Variants in EIF2AK1 observed in about 807,000 individuals in gnomAD.
EIF2AK1 encodes the protein eukaryotic translation initiation factor 2 alpha kinase 1.
Under a neutral mutation model 77.9 loss-of-function variants are expected in EIF2AK1, and 54 were observed. The observed-to-expected ratio is 0.69, with a 90% CI of 0.56 to 0.87. The LOEUF is 0.87. Ranked by LOEUF, EIF2AK1 falls within the 40% of genes least tolerant of loss-of-function variation. EIF2AK1 has a pLI of 0.00. For missense variants in EIF2AK1, 810 were observed against 768.6 expected (o/e 1.05, Z -0.64); for synonymous variants, 314 against 290.5 (o/e 1.08, Z -0.82).
intron 3 of EIF2AK1, 51 bp from the exon 4 acceptor site, chr7:6,048,895 T>C (rs1158100068): frequency 7.5e-7 from 1 of 1,326,584 alleles, no homozygotes; most frequent in East Asian, 2.3e-5. Flanking sequence ...TTGCATGGAA[T>C]AAAGAACCTA....
intron 11 of EIF2AK1, among the ~76,000 whole-genome samples, chr7:6,030,605 TCTC>T (rs1456985497): frequency 2.6e-5 from 4 of 152,086 alleles, no homozygotes; most frequent in African/African-American, 9.7e-5. Flanking sequence ...TTCAAACAAT[TCTC>T]CTGCCTCAAC....
intron 1 of EIF2AK1, among the ~76,000 whole-genome samples, chr7:6,058,628 T>C (rs887867241): frequency 6.6e-5 from 10 of 152,114 alleles, no homozygotes; most frequent in Non-Finnish European, 1.3e-4. Flanking sequence ...TGAAAGAAGA[T>C]CGTTCTCAAC....
At chr7:6,038,981 C>A (rs1034151294) in intron 9 of EIF2AK1, among the ~76,000 whole-genome samples, 2 of 152,048 alleles carry the variant, frequency 1.3e-5, no homozygotes, top group African/African-American at 4.8e-5. Flanking sequence ...TCAACTGTGA[C>A]CCGGAGAAAC....
At position 6,024,796 on chromosome 7, in the gene EIF2AK1, G is replaced by A. The variant is rs1787691445; in HGVS notation, c.1770C>T (p.Asn590=). 1.3e-6 allele frequency: 2 copies of A among 1,525,208 alleles called. No individual in the cohort carries two copies. The highest frequency in any genetic ancestry group is 8.8e-7 in the Non-Finnish European group (1 of 1,142,248). The allele number at this position is 1,525,208 out of a possible 1,614,324, so 94.5% of individuals were successfully genotyped here. The change falls in exon 15 of 15, where the codon AAC becomes AAT. Residue 590 remains asparagine, a synonymous_variant. Transcript: ENST00000199389. ...CTATTATCTTCATCTGTAGGGTGAG[G>A]TTAACCTGTAAGGAGAAAATATTTT... The part of the protein sequence containing the change: ...SELFQNSGNV[N]LTLQMKIIEQ...
At position 6,054,619 on chromosome 7, in the gene EIF2AK1, C is replaced by A; in HGVS notation, c.204G>T (p.Leu68Phe). 6.2e-7 allele frequency: 1 copy of A among 1,614,136 alleles called. No homozygotes were observed. The highest frequency in any genetic ancestry group is 8.5e-7 in the Non-Finnish European group (1 of 1,180,030). ...TCAAGTGCTCCAGCAAAGAAACCAG[C>A]AAGAGTTGGTTTGCAACTGCAAAAG... Reference protein sequence around the residue: ...TFPFAVANQLLLVSLLEHLSH... With the variant: ...TFPFAVANQLFLVSLLEHLSH... Residue 68 changes from leucine to phenylalanine, a missense_variant, in exon 2 of 15, where the codon TTG becomes TTT. By Grantham distance (22) the Leu-to-Phe change is conservative. Around this residue, in one of 3 missense-constraint regions of EIF2AK1, gnomAD observed 246 missense variants for 199.0 expected, o/e 1.24. Transcript: ENST00000199389.
Position 6,050,428 on chromosome 7 carries a change from C to G in EIF2AK1, c.278-383G>C, listed in dbSNP as rs117672877. Among the ~76,000 whole-genome samples the G allele has an allele frequency of 2.7e-3, 418 of 152,128 alleles. 9 individuals are homozygous for G. The East Asian group carries it at 0.054, about 20-fold the overall frequency. ...CAGGCTGGTCTCGAACTCCTGGCCTCAAGTGATCTGCCCAACTCCACCTCC... is the reference window on the plus strand; with the variant it reads ...CAGGCTGGTCTCGAACTCCTGGCCTGAAGTGATCTGCCCAACTCCACCTCC... On this transcript the variant is annotated intron_variant, in intron 2 of 14. Transcript: ENST00000199389.
At chr7:6,049,120 T>A (rs1485338148) in intron 3 of EIF2AK1, among the ~76,000 whole-genome samples, 1 of 152,146 alleles carries the variant, frequency 6.6e-6, no homozygotes, top group African/African-American at 2.4e-5. Flanking sequence ...TGGTGGCACC[T>A]GGCACCCTGC....
At chr7:6,052,327 T>A (rs1788630683) in intron 2 of EIF2AK1, among the ~76,000 whole-genome samples, 2 of 151,842 alleles carry the variant, frequency 1.3e-5, no homozygotes, top group Admixed American at 1.3e-4. Flanking sequence ...AATACAATAA[T>A]TCCCAGTCAC....
chr7:6,057,464 A>G (rs1396128976), intron 1 of EIF2AK1: 2 of 151,914 alleles, frequency 1.3e-5, no homozygotes, highest in Non-Finnish European at 2.9e-5. Context: ...CAGTCATTCT[A>G]TTGGAATTAC....
rs1787986622 is a variant in EIF2AK1, at chr7:6,033,857, C to T, written c.1332+3567G>A. On this transcript the variant is annotated intron_variant, in intron 11 of 14. Transcript: ENST00000199389. This position sits in a 1 kb window ranked among gnomAD's most constrained non-coding sequence, Gnocchi z 4.4. ...GTGCTGGGATTACAGGCGTGAGCCGCCGTGCCTGGCCGACAATGGATTTTC... is the reference window on the plus strand; with the variant it reads ...GTGCTGGGATTACAGGCGTGAGCCGTCGTGCCTGGCCGACAATGGATTTTC... 6.6e-6 allele frequency among the ~76,000 whole-genome samples: 1 copy of T among 151,812 alleles called. No individual in the cohort carries two copies. Among genetic ancestry groups the T allele is most frequent in the African/African-American group, 2.4e-5 (1 of 41,348 alleles).
rs954724282 is a variant in EIF2AK1, at chr7:6,024,612, T to C, written c.*61A>G. On this transcript the variant is annotated 3_prime_UTR_variant, in exon 15 of 15. Transcript: ENST00000199389. Reference sequence around the variant, plus strand: ...ATACAACGAAGCATTGTACCAACTATACCCTAATAAAGATTAAAAATTTAC... The same window carrying C: ...ATACAACGAAGCATTGTACCAACTACACCCTAATAAAGATTAAAAATTTAC... The C allele has an allele frequency of 7.0e-5, 113 of 1,609,258 alleles. 3 individuals are homozygous for C. In the East Asian group the frequency reaches 1.2e-3, roughly 17 times the overall value.
rs1788885345 is a variant in EIF2AK1, at chr7:6,059,149, G to A, written c.-66C>T. ...CCCAGCACTGCCACACTCCGATGCT[G>A]CAGCTAGCGCCGTCCGACCCGGAAG... On this transcript the variant is annotated 5_prime_UTR_variant, in exon 1 of 15. Coordinates refer to ENST00000199389, the MANE Select transcript of EIF2AK1 (RefSeq NM_014413.4). 1.4e-5 allele frequency: 16 copies of A among 1,106,946 alleles called. No homozygotes were observed. The East Asian group carries it at 2.3e-4, about 16-fold the overall frequency. 68.6% of individuals were successfully genotyped at this position (1,106,946 alleles called of 1,614,324 possible). A position where few individuals can be genotyped will look rare whatever the true frequency, so the allele number is the denominator to read the frequency against.
At chr7:6,054,758 T>C (rs1788703615) in intron 1 of EIF2AK1, 54 bp from the exon 2 acceptor site, 1 of 1,498,212 alleles carries the variant, frequency 6.7e-7, no homozygotes, top group African/African-American at 1.4e-5. Flanking sequence ...TGTCTCATAA[T>C]GACAAAACCG....
intron 13 of EIF2AK1, 25 bp downstream of exon 13, chr7:6,028,590 A>C: frequency 6.2e-7 from 1 of 1,609,810 alleles, no homozygotes; most frequent in Non-Finnish European, 8.5e-7. Flanking sequence ...AGTTGAATGA[A>C]AGGGCAGAAA....
At position 6,023,827 on chromosome 7, in the gene EIF2AK1, G is replaced by A; in HGVS notation, c.*846C>T. 5 of 1,557,916 alleles carry A rather than the reference G, an allele frequency of 3.2e-6. No individual in the cohort carries two copies. The highest frequency in any genetic ancestry group is 4.3e-6 in the Non-Finnish European group (5 of 1,149,928). On this transcript the variant is annotated 3_prime_UTR_variant, in exon 15 of 15. Coordinates refer to ENST00000199389, the MANE Select transcript of EIF2AK1 (RefSeq NM_014413.4). ...TGTCAAGTGTCAATAAAAGCATCATGTAATTTATGGTTTTCATTTTATTTA... is the reference window on the plus strand; with the variant it reads ...TGTCAAGTGTCAATAAAAGCATCATATAATTTATGGTTTTCATTTTATTTA...
At chr7:6,055,716 C>T (rs1050193351) in intron 1 of EIF2AK1, among the ~76,000 whole-genome samples, 1 of 150,664 alleles carries the variant, frequency 6.6e-6, no homozygotes, top group South Asian at 2.1e-4. Context: ...CACAGTGGCT[C>T]ATGCCTGTAA....
rs146258822 is a variant in EIF2AK1 at position 6,047,566 on chromosome 7, C to T, written c.450-475G>A. 6.4e-3 allele frequency among the ~76,000 whole-genome samples: 974 copies of T among 151,450 alleles called. 2 individuals carry two copies. Among genetic ancestry groups the T allele is most frequent in the Non-Finnish European group, 9.7e-3 (657 of 67,882 alleles). ...CGGGTGCCTGTAATCCCAGCTACTC[C>T]GGAGGCTGATGCAGGAGAATTGCTT... is the stretch of plus-strand genomic sequence containing the variant. On this transcript the variant is annotated intron_variant, in intron 4 of 14. Transcript: ENST00000199389.
intron 2 of EIF2AK1, among the ~76,000 whole-genome samples, chr7:6,050,646 A>G (rs1217140262): frequency 7.0e-6 from 1 of 143,202 alleles, no homozygotes. Context: ...TCTGTCACGC[A>G]GGCTAGAGTG....
chr7:6,047,319 C>G (rs1788475129), intron 4 of EIF2AK1: 2 of 614,850 alleles, frequency 3.3e-6, no homozygotes, highest in East Asian at 3.3e-5. Flanking sequence ...CGATGTTGTA[C>G]AGCAGAAATC....
Sources: gnomAD v4.1 joint callset for allele counts (sites outside exome capture counted in the v4.1 genomes callset) on GRCh38, gnomAD v4.1.1 for gene constraint, gnomAD v4.1.1 regional missense constraint, Gnocchi (gnomAD v3.1) non-coding constraint, MANE v1.5 for transcripts, NCBI Gene and HGNC (gene_info 2026-07-23, HGNC 2026-07-21) for gene names.